ZFHX3: variants seen among roughly 807,000 people sequenced by gnomAD.
ZFHX3 encodes the protein zinc finger homeobox 3.
A neutral mutation model predicts 279.1 loss-of-function variants in ZFHX3; 42 were observed. That is an observed-to-expected ratio of 0.15 (90% CI 0.12 to 0.19). The LOEUF (loss-of-function observed/expected upper bound fraction) is 0.19, where lower values mean the gene tolerates loss of function less well. Ranked by LOEUF, ZFHX3 falls within the 10% of genes least tolerant of loss-of-function variation. The probability of loss-of-function intolerance (pLI) is 1.00; values close to 1 mark genes in which losing one functional copy is unlikely to be tolerated. For synonymous variants in ZFHX3, 2,293 were observed against 1,957.8 expected, an observed-to-expected ratio of 1.17 and a Z score of -4.52; for missense variants, 4,981 against 4,754.0, an observed-to-expected ratio of 1.05 and a Z score of -1.40.
chr16:73,732,339 A>G (rs1442583524), intron 1 of ZFHX3, among the ~76,000 whole-genome samples: 2 of 152,216 alleles, frequency 1.3e-5, no homozygotes, highest in African/African-American at 4.8e-5. Flanking sequence ...TCTGCTGGCC[A>G]ACAGAGAAGG....
chr16:73,383,380 C>G (rs2016847440), intron 3 of ZFHX3, among the ~76,000 whole-genome samples: 1 of 152,232 alleles, frequency 6.6e-6, no homozygotes, highest in Non-Finnish European at 1.5e-5. Context: ...TAGAGCGGCA[C>G]TGGGCCTGGA....
intron 1 of ZFHX3, among the ~76,000 whole-genome samples, chr16:73,834,293 T>C (rs1281366320): frequency 6.6e-6 from 1 of 152,140 alleles, no homozygotes; most frequent in African/African-American, 2.4e-5. Flanking sequence ...AGGAGAGAAG[T>C]GGTAAGAGCA....
intron 3 of ZFHX3, among the ~76,000 whole-genome samples, chr16:73,427,975 C>T (rs535724622): frequency 6.6e-6 from 1 of 152,070 alleles, no homozygotes; most frequent in South Asian, 2.1e-4. Flanking sequence ...GGTACTGCCC[C>T]AGGCCTCGTG....
intron 5 of ZFHX3, 45 bp downstream of exon 5, chr16:72,829,734 G>A: frequency 6.2e-7 from 1 of 1,602,448 alleles, no homozygotes; most frequent in Admixed American, 1.7e-5. Flanking sequence ...AAGGCTCAAG[G>A]ACAGCCACAC....
chr16:73,095,502 G>T (rs917295266), intron 7 of ZFHX3, among the ~76,000 whole-genome samples: 4 of 152,218 alleles, frequency 2.6e-5, no homozygotes, highest in Non-Finnish European at 4.4e-5. Flanking sequence ...CTGGCATGTT[G>T]CCCACAGCGG....
intron 1 of ZFHX3, among the ~76,000 whole-genome samples, chr16:73,001,311 T>C (rs1217206806): frequency 6.6e-6 from 1 of 152,154 alleles, no homozygotes; most frequent in African/African-American, 2.4e-5. Context: ...CAGATTTCAG[T>C]CTGTCCCCAG....
intron 3 of ZFHX3, among the ~76,000 whole-genome samples, chr16:72,902,923 G>A (rs2039076905): frequency 1.3e-5 from 2 of 152,186 alleles, no homozygotes; most frequent in Non-Finnish European, 2.9e-5. Flanking sequence ...CCACTCTGAG[G>A]CTGATGTCCA....
At chr16:73,213,976 C>G (rs939320759) in intron 5 of ZFHX3, among the ~76,000 whole-genome samples, 2 of 152,152 alleles carry the variant, frequency 1.3e-5, no homozygotes, top group African/African-American at 4.8e-5. Flanking sequence ...CAAGATTTCA[C>G]AACTGTTTAA....
intron 3 of ZFHX3, among the ~76,000 whole-genome samples, chr16:72,911,947 C>A (rs1434836515): frequency 1.3e-5 from 2 of 152,184 alleles, no homozygotes; most frequent in Admixed American, 6.5e-5. Context: ...ACTCTCTCAG[C>A]TAGTTTAATT....
intron 2 of ZFHX3, among the ~76,000 whole-genome samples, chr16:73,652,337 A>G (rs1208864550): frequency 6.6e-6 from 1 of 152,210 alleles, no homozygotes; most frequent in Admixed American, 6.5e-5. Flanking sequence ...GATGAGGCTT[A>G]AAAGCAGTCA....
chr16:73,201,914 A>G (rs752720873), intron 5 of ZFHX3, among the ~76,000 whole-genome samples: 7 of 152,222 alleles, frequency 4.6e-5, no homozygotes, highest in Non-Finnish European at 1.0e-4. Context: ...CTACATATTG[A>G]TGAATGAAAG....
upstream of ZFHX3, among the ~76,000 whole-genome samples, chr16:73,059,977 A>C (rs1965659971): frequency 6.6e-6 from 1 of 152,184 alleles, no homozygotes; most frequent in African/African-American, 2.4e-5. Flanking sequence ...TTGCACTTGG[A>C]AACAAGTCCA....
chr16:72,799,968 G>T, intron 8 of ZFHX3, 59 bp downstream of exon 8: 1 of 1,490,194 alleles, frequency 6.7e-7, no homozygotes, highest in Non-Finnish European at 9.4e-7. Context: ...CTTTCTCCAT[G>T]AACATTTTGG....
chr16:73,679,128 AT>A (rs34713247), intron 2 of ZFHX3, among the ~76,000 whole-genome samples: 73,746 of 149,452 alleles, frequency 0.49, 18,649 homozygotes, highest in East Asian at 0.78. Flanking sequence ...AGAGGGGCTT[AT>A]TTTTTTTTTT....
At chr16:72,873,721 A>G (rs1488482695) in intron 4 of ZFHX3, among the ~76,000 whole-genome samples, 3 of 152,236 alleles carry the variant, frequency 2.0e-5, no homozygotes, top group Non-Finnish European at 4.4e-5. Context: ...AAAATTGTCC[A>G]TAATCAGTGC....
At chr16:73,707,871 C>T (rs776327197) in intron 1 of ZFHX3, among the ~76,000 whole-genome samples, 19 of 151,776 alleles carry the variant, frequency 1.3e-4, no homozygotes, top group Non-Finnish European at 2.5e-4. Flanking sequence ...TCTTGGGAGA[C>T]GGAGGAGCGG....
At chr16:73,615,317 TC>T (rs1464413037) in intron 2 of ZFHX3, among the ~76,000 whole-genome samples, 2 of 151,854 alleles carry the variant, frequency 1.3e-5, no homozygotes, top group East Asian at 3.9e-4. Context: ...CAGGGCTTGG[TC>T]AGGGGTAAGA....
At chr16:73,753,734 T>A (rs1567398892) in intron 1 of ZFHX3, among the ~76,000 whole-genome samples, 1 of 152,048 alleles carries the variant, frequency 6.6e-6, no homozygotes, top group African/African-American at 2.4e-5. Flanking sequence ...GGATCGCCTG[T>A]CCTGCATCAA....
At chr16:73,121,147 T>A (rs573316421) in intron 7 of ZFHX3, among the ~76,000 whole-genome samples, 34 of 152,344 alleles carry the variant, frequency 2.2e-4, no homozygotes, top group African/African-American at 7.5e-4. Context: ...CAATATAATA[T>A]ATGTTTCTGT....
Sources: gnomAD v4.1 joint callset for allele counts (sites outside exome capture counted in the v4.1 genomes callset) on GRCh38, gnomAD v4.1.1 for gene constraint, MANE v1.5 for transcripts, NCBI Gene and HGNC (gene_info 2026-07-23, HGNC 2026-07-21) for gene names.